Variants in CTNNA3 observed in about 807,000 individuals in gnomAD.
The protein encoded by CTNNA3 is catenin alpha-3.
CTNNA3 carries 76 observed loss-of-function variants against 95.7 expected under a neutral mutation model. The ratio of observed to expected loss-of-function variants is 0.79; its 90% confidence interval spans 0.66 to 0.96. CTNNA3 has a LOEUF of 0.96. Among genes scored for constraint, CTNNA3 ranks in the 40% least tolerant of loss-of-function variants. The pLI is 0.00. For missense variants in CTNNA3, 1,191 were observed against 1,089.8 expected (o/e 1.09, Z -1.31); for synonymous variants, 431 against 374.4 (o/e 1.15, Z -1.74).
intron 10 of CTNNA3, among the ~76,000 whole-genome samples, chr10:66,566,205 T>C (rs547754700): frequency 6.6e-6 from 1 of 152,244 alleles, no homozygotes; most frequent in South Asian, 2.1e-4. Flanking sequence ...CTCCAAGAGA[T>C]AATGAAGTCC....
intron 7 of CTNNA3, among the ~76,000 whole-genome samples, chr10:67,109,399 A>T (rs1455193057): frequency 1.3e-5 from 2 of 152,214 alleles, no homozygotes; most frequent in African/African-American, 4.8e-5. Flanking sequence ...TTATGAGAAT[A>T]CCATTACTCT....
chr10:67,373,303 A>T (rs540008411), intron 5 of CTNNA3, among the ~76,000 whole-genome samples: 3 of 152,234 alleles, frequency 2.0e-5, no homozygotes, highest in Non-Finnish European at 4.4e-5. Context: ...TGGAAAACAA[A>T]AAAAAGGCAG....
Position 67,636,721 on chromosome 10 carries a change from T to C in CTNNA3, c.99+10694A>G, listed in dbSNP as rs181278246. ...TGCTGTTCACCAATATTCGCTGTTC[T>C]GCAGACTCCACTGCTGATACCCAGG... is the stretch of plus-strand genomic sequence containing the variant. On this transcript the variant is annotated intron_variant, in intron 2 of 17. Coordinates refer to ENST00000433211, the MANE Select transcript of CTNNA3 (RefSeq NM_013266.4). Among the ~76,000 whole-genome samples, 408 of 152,276 alleles carry C rather than the reference T, an allele frequency of 2.7e-3. 1 individual carries two copies. The highest frequency in any genetic ancestry group is 9.5e-3 in the African/African-American group (394 of 41,562).
At chr10:66,353,080 T>G (rs1040327307) in intron 12 of CTNNA3, among the ~76,000 whole-genome samples, 15 of 152,132 alleles carry the variant, frequency 9.9e-5, no homozygotes, top group Admixed American at 2.0e-4. Context: ...GGTAGCCGGT[T>G]TTATCTTTAA....
Position 65,988,762 on chromosome 10 carries a change from A to G in CTNNA3, c.2195T>C (p.Ile732Thr), listed in dbSNP as rs574010644. Residue 732 changes from isoleucine to threonine, a missense_variant, in exon 16 of 18, where the codon ATC becomes ACC. Transcript: ENST00000433211. Reference sequence around the variant, plus strand: ...TTCTGATATCATTTTCGCTGCATAGATCACATCAGTTGTATGCTTTAGTGG... The same window carrying G: ...TTCTGATATCATTTTCGCTGCATAGGTCACATCAGTTGTATGCTTTAGTGG... ...KGPLKHTTDV[I>T]YAAKMISESG... The G allele has an allele frequency of 6.2e-7, 1 of 1,614,014 alleles. No homozygotes were observed. Among genetic ancestry groups the G allele is most frequent in the East Asian group, 2.2e-5 (1 of 44,862 alleles).
intron 12 of CTNNA3, 110 bp from the exon 13 acceptor site, chr10:66,280,731 A>G: frequency 1.4e-6 from 1 of 693,416 alleles, no homozygotes; most frequent in Non-Finnish European, 2.2e-6. Flanking sequence ...TGATTAATAG[A>G]TCTTTAATTG....
At chr10:67,697,745 GT>G (rs201354109), upstream of CTNNA3, among the ~76,000 whole-genome samples, 592 of 141,914 alleles carry the variant, frequency 4.2e-3, 6 homozygotes, top group African/African-American at 0.016. Context: ...AGCTTTTATA[GT>G]GGGTTTTTTT....
At chr10:66,184,212 T>C (rs777211876) in intron 13 of CTNNA3, among the ~76,000 whole-genome samples, 2 of 152,004 alleles carry the variant, frequency 1.3e-5, no homozygotes, top group Admixed American at 6.6e-5. Context: ...GGCAGGAAAA[T>C]CACTTGAACC....
At chr10:66,425,699 C>CAT (rs1491107492) in intron 11 of CTNNA3, among the ~76,000 whole-genome samples, 1 of 147,392 alleles carries the variant, frequency 6.8e-6, no homozygotes, top group African/African-American at 2.6e-5. Context: ...CACACACACA[C>CAT]ATATATACAC....
chr10:66,985,537 T>C (rs574565604), intron 7 of CTNNA3, among the ~76,000 whole-genome samples: 2 of 152,072 alleles, frequency 1.3e-5, no homozygotes, highest in East Asian at 1.9e-4. Flanking sequence ...ATGGTTCCCA[T>C]TGGTCAAACA....
chr10:66,365,235 G>T (rs1295440058), intron 12 of CTNNA3, among the ~76,000 whole-genome samples: 1 of 152,132 alleles, frequency 6.6e-6, no homozygotes, highest in East Asian at 1.9e-4. Flanking sequence ...GTCCTTTGCA[G>T]AGACATGGAT....
intron 10 of CTNNA3, among the ~76,000 whole-genome samples, chr10:66,541,166 C>T (rs1244233295): frequency 6.6e-6 from 1 of 151,976 alleles, no homozygotes; most frequent in Non-Finnish European, 1.5e-5. Context: ...ATTGTTATCC[C>T]CTGTTCAAAT....
At chr10:66,068,242 C>T (rs7913938) in intron 15 of CTNNA3, among the ~76,000 whole-genome samples, 44,537 of 151,782 alleles carry the variant, frequency 0.29, 7,032 homozygotes, top group South Asian at 0.43. Context: ...TATTCTTTGT[C>T]CATTCTTCCA....
intron 7 of CTNNA3, among the ~76,000 whole-genome samples, chr10:66,908,068 T>C (rs757617859): frequency 7.9e-5 from 12 of 152,214 alleles, no homozygotes; most frequent in Non-Finnish European, 1.5e-4. Context: ...TTCTATTTGA[T>C]GGCCTCAAAT....
intron 7 of CTNNA3, among the ~76,000 whole-genome samples, chr10:67,079,511 A>T (rs1856924421): frequency 1.3e-5 from 2 of 152,208 alleles, no homozygotes; most frequent in Non-Finnish European, 1.5e-5. Flanking sequence ...GCAAAGTATT[A>T]CAATTAAGCA....
chr10:67,122,362 A>G (rs959305985), intron 7 of CTNNA3, among the ~76,000 whole-genome samples: 1 of 152,148 alleles, frequency 6.6e-6, no homozygotes, highest in African/African-American at 2.4e-5. Context: ...GAATAAAAGT[A>G]AAAATAAATT....
intron 15 of CTNNA3, among the ~76,000 whole-genome samples, chr10:66,024,311 G>C (rs11599355): frequency 0.18 from 27,316 of 151,742 alleles, 2,696 homozygotes; most frequent in Admixed American, 0.25. Flanking sequence ...GGATGGTCTC[G>C]ATCTCCTGAC....
intron 9 of CTNNA3, among the ~76,000 whole-genome samples, chr10:66,650,871 G>A (rs1012255698): frequency 6.6e-6 from 1 of 152,136 alleles, no homozygotes; most frequent in African/African-American, 2.4e-5. Flanking sequence ...ACCCAAAGCA[G>A]ACCCAAAGCT....
intron 5 of CTNNA3, among the ~76,000 whole-genome samples, chr10:67,390,950 T>C (rs937732519): frequency 1.3e-5 from 2 of 152,108 alleles, no homozygotes; most frequent in African/African-American, 4.8e-5. Flanking sequence ...GCCAATATCA[T>C]ACTGAATGGG....
Sources: allele counts gnomAD v4.1 joint callset (sites outside exome capture counted in the v4.1 genomes callset), GRCh38; gene constraint gnomAD v4.1.1; transcripts MANE v1.5; gene names NCBI Gene and HGNC (gene_info 2026-07-23, HGNC 2026-07-21).